Variants in CAP1 observed in about 807,000 individuals in gnomAD.
CAP1 encodes the protein adenylyl cyclase-associated protein 1.
In CAP1, 11 loss-of-function variants were observed where a neutral mutation model predicts 58.2. That is an observed-to-expected ratio of 0.19 (90% confidence interval 0.12 to 0.31). CAP1 has a LOEUF of 0.31. Among genes scored for constraint, CAP1 ranks in the 10% least tolerant of loss-of-function variants. The pLI is 1.00. For missense variants in CAP1, 423 were observed against 587.5 expected (o/e 0.72, Z 2.89); for synonymous variants, 183 against 213.8 (o/e 0.86, Z 1.26).
intron 1 of CAP1, among the ~76,000 whole-genome samples, chr1:40,048,748 A>G (rs1442583717): frequency 6.6e-6 from 1 of 152,212 alleles, no homozygotes; most frequent in East Asian, 1.9e-4. Flanking sequence ...ATAGATCAAT[A>G]GATCTAACAT....
chr1:40,070,579 C>T (rs1301918762), intron 11 of CAP1, 67 bp downstream of exon 11: 10 of 1,271,506 alleles, frequency 7.9e-6, no homozygotes, highest in Non-Finnish European at 1.0e-5. Context: ...ATGGTAGACC[C>T]ACAGATGTTG....
In CAP1 at chr1:40,072,633, G is replaced by C. The variant is rs554373727; in HGVS notation, c.*1100G>C. ...AAAGTTATACAGAAAATAGAATAAAGTTAATACCAAACTTGCTTAGTTGTT... is the reference window on the plus strand; with the variant it reads ...AAAGTTATACAGAAAATAGAATAAACTTAATACCAAACTTGCTTAGTTGTT... On this transcript the variant is annotated 3_prime_UTR_variant, in exon 13 of 13. Coordinates refer to ENST00000372805, the MANE Select transcript of CAP1 (RefSeq NM_006367.4). 3.3e-5 allele frequency: 5 copies of C among 152,720 alleles called. No individual in the cohort carries two copies. In the South Asian group the frequency reaches 1.0e-3, roughly 32 times the overall value. 9.5% of individuals were successfully genotyped at this position (152,720 alleles called of 1,614,324 possible).
intron 1 of CAP1, among the ~76,000 whole-genome samples, chr1:40,058,283 C>T (rs1046633380): frequency 6.6e-6 from 1 of 152,168 alleles, no homozygotes; most frequent in Admixed American, 6.5e-5. Context: ...CCATCATATC[C>T]TTATCTGATC....
Position 40,060,117 on chromosome 1 carries a change from G to A in CAP1, c.163G>A (p.Val55Met), listed in dbSNP as rs754788659. Residue 55 changes from valine (V) to methionine (M), a missense_variant, in exon 3 of 13, where the codon GTG becomes ATG. Coordinates refer to ENST00000372805, the MANE Select transcript of CAP1 (RefSeq NM_006367.4). ...QAFDSLLAGP[V>M]AEYLKISKEI... is the part of the protein sequence containing the mutation. ...ATTTGACTCGCTGCTTGCTGGTCCT[G>A]TGGCAGAGTACTTGAAGATCAGTAA... 2 of 1,613,866 alleles carry A rather than the reference G, an allele frequency of 1.2e-6. No homozygotes were observed. The highest frequency in any genetic ancestry group is 2.2e-5 in the South Asian group (2 of 91,060).
intron 1 of CAP1, among the ~76,000 whole-genome samples, chr1:40,050,612 T>C (rs1393709511): frequency 1.3e-5 from 2 of 151,824 alleles, no homozygotes; most frequent in African/African-American, 4.8e-5. Context: ...TGAGCTGAGA[T>C]CATGCCATCA....
At chr1:40,068,302 T>G (rs897528427) in intron 8 of CAP1, among the ~76,000 whole-genome samples, 2 of 152,178 alleles carry the variant, frequency 1.3e-5, no homozygotes, top group Non-Finnish European at 2.9e-5. Context: ...GACGGAGTTT[T>G]GCTCGTTTCC....
intron 11 of CAP1, 56 bp downstream of exon 11, chr1:40,070,568 C>A: frequency 1.5e-6 from 2 of 1,333,316 alleles, no homozygotes; most frequent in South Asian, 1.2e-5. Context: ...TTCAAAGAGA[C>A]ATGGTAGACC....
chr1:40,061,809 A>G lies in CAP1; in HGVS notation c.291A>G (p.Ala97=), dbSNP rs753249355. The G allele has an allele frequency of 3.1e-6, 5 of 1,613,238 alleles. No homozygotes were observed. In the East Asian group the frequency reaches 1.1e-4, roughly 36 times the overall value. The change falls in exon 4 of 13, where the codon GCA becomes GCG. Residue 97 remains alanine, a synonymous_variant. Coordinates refer to ENST00000372805, the MANE Select transcript of CAP1 (RefSeq NM_006367.4). The part of the protein sequence containing the change: ...LVTASQCQQP[A]ENKLSDLLAP... Reference sequence around the variant, plus strand: ...CAGCTTCTCAGTGTCAACAGCCAGCAGAAGTAAGTTCACTACTAGCTGGTT... The same window carrying G: ...CAGCTTCTCAGTGTCAACAGCCAGCGGAAGTAAGTTCACTACTAGCTGGTT...
At chr1:40,067,028 T>G (rs920431442) in intron 7 of CAP1, among the ~76,000 whole-genome samples, 1 of 152,180 alleles carries the variant, frequency 6.6e-6, no homozygotes, top group Non-Finnish European at 1.5e-5. Flanking sequence ...ATGAAAGTGG[T>G]CATGGTGTTT....
chr1:40,046,469 A>G (rs1236170135), intron 1 of CAP1, among the ~76,000 whole-genome samples: 7 of 42,146 alleles, frequency 1.7e-4, no homozygotes, highest in African/African-American at 4.9e-4. Flanking sequence ...TCTCAAAAAA[A>G]CAAAACAAAA....
intron 8 of CAP1, among the ~76,000 whole-genome samples, chr1:40,068,347 C>G (rs1267789695): frequency 6.6e-6 from 1 of 151,884 alleles, no homozygotes; most frequent in Non-Finnish European, 1.5e-5. Context: ...CTCGGCTCAC[C>G]GCAACCTCCA....
chr1:40,054,286 G>A (rs1448888742), intron 1 of CAP1, among the ~76,000 whole-genome samples: 1 of 149,538 alleles, frequency 6.7e-6, no homozygotes, highest in Non-Finnish European at 1.5e-5. Context: ...CACCTCTCAG[G>A]TTCAAGCAAT....
intron 1 of CAP1, among the ~76,000 whole-genome samples, chr1:40,044,990 G>T (rs553353846): frequency 3.3e-5 from 5 of 151,802 alleles, no homozygotes; most frequent in Admixed American, 3.3e-4. Context: ...TATAGACGGG[G>T]TTTCACTGTG....
chr1:40,049,445 A>C (rs1400024563), intron 1 of CAP1, among the ~76,000 whole-genome samples: 15 of 151,946 alleles, frequency 9.9e-5, no homozygotes, highest in Non-Finnish European at 2.1e-4. Flanking sequence ...TCTTGACCTC[A>C]GGTTATCTAC....
At chr1:40,054,240 G>C (rs939849904) in intron 1 of CAP1, among the ~76,000 whole-genome samples, 14 of 146,700 alleles carry the variant, frequency 9.5e-5, no homozygotes, top group Non-Finnish European at 4.4e-5. Flanking sequence ...GTCCAAGCTG[G>C]AGTGCAGTGG....
chr1:40,046,029 A>C (rs535896198), intron 1 of CAP1, among the ~76,000 whole-genome samples: 1 of 152,336 alleles, frequency 6.6e-6, no homozygotes, highest in East Asian at 1.9e-4. Flanking sequence ...GAGTACTAGA[A>C]GCAAGCTTCT....
At position 40,067,564 on chromosome 1, in the gene CAP1, G is replaced by A. The variant is rs771217889; in HGVS notation, c.655G>A (p.Gly219Arg). The A allele has an allele frequency of 9.0e-5, 145 of 1,609,488 alleles. No individual in the cohort carries two copies. Among genetic ancestry groups the A allele is most frequent in the Non-Finnish European group, 1.2e-4 (136 of 1,177,874 alleles). ...KTGPVAKELSGLPSGPSAGSC... is the reference protein window; with the variant it reads ...KTGPVAKELSRLPSGPSAGSC... ...GGGGCCTGTGGCAAAAGAACTGAGC[G>A]GACTGCCATCTGGACCCTCTGCCGG... The change falls in exon 8 of 13, where the codon GGA becomes AGA. Residue 219 changes from glycine to arginine, a missense_variant. Gly to Arg is a moderately radical substitution (Grantham distance 125, BLOSUM62 -2). Transcript: ENST00000372805.
At chr1:40,061,900 T>G (rs1646869754) in intron 4 of CAP1, 88 bp downstream of exon 4, 3 of 976,560 alleles carry the variant, frequency 3.1e-6, no homozygotes, top group Non-Finnish European at 4.9e-6. Flanking sequence ...CATTTTAAAA[T>G]AGACCTACTA....
intron 7 of CAP1, 57 bp downstream of exon 7, chr1:40,066,377 G>T: frequency 1.1e-6 from 1 of 901,910 alleles, no homozygotes; most frequent in East Asian, 2.5e-5. Context: ...TCCAGCATGG[G>T]GTCCACAGGT....
Sources: gnomAD v4.1 joint callset for allele counts (sites outside exome capture counted in the v4.1 genomes callset) on GRCh38, gnomAD v4.1.1 for gene constraint, MANE v1.5 for transcripts, NCBI Gene and HGNC (gene_info 2026-07-23, HGNC 2026-07-21) for gene names.